FBXO31: variants seen among roughly 807,000 people sequenced by gnomAD.
The protein encoded by FBXO31 is F-box only protein 31.
In FBXO31, 24 loss-of-function variants were observed where a neutral mutation model predicts 54.4. The ratio of observed to expected loss-of-function variants is 0.44; its 90% CI spans 0.32 to 0.62. The LOEUF (loss-of-function observed/expected upper bound fraction) is 0.62, where lower values mean the gene tolerates loss of function less well. FBXO31 is among the 20% of genes least tolerant of loss of function. The probability of loss-of-function intolerance (pLI) is 0.05; values close to 1 mark genes in which losing one functional copy is unlikely to be tolerated. For synonymous variants in FBXO31, 388 were observed against 335.6 expected, an observed-to-expected ratio of 1.16 and a Z score of -1.71; for missense variants, 665 against 787.1, an observed-to-expected ratio of 0.84 and a Z score of 1.86.
chr16:87,389,765 A>G (rs191251378), exon 1 of FBXO31: 25 of 152,340 alleles, frequency 1.6e-4, no homozygotes, highest in Admixed American at 1.4e-3. Flanking sequence ...TTCACAGAAT[A>G]CAAACCAACA....
At chr16:87,365,007 T>A (rs1260774038) in intron 1 of FBXO31, among the ~76,000 whole-genome samples, 1 of 12,198 alleles carries the variant, frequency 8.2e-5, no homozygotes, top group Non-Finnish European at 1.4e-4. Context: ...ACCCCGTCTC[T>A]TAAATATATA....
chr16:87,341,928 C>A (rs374933259), intron 5 of FBXO31, among the ~76,000 whole-genome samples: 2 of 151,804 alleles, frequency 1.3e-5, no homozygotes, highest in African/African-American at 2.4e-5. Context: ...AAAGCACACC[C>A]TGGCCGCGCG....
chr16:87,343,272 C>T (rs904078556), intron 4 of FBXO31, among the ~76,000 whole-genome samples: 2 of 152,256 alleles, frequency 1.3e-5, no homozygotes, highest in African/African-American at 4.8e-5. Flanking sequence ...GGGCCACTGC[C>T]AGACCAGATC....
chr16:87,333,726 T>C lies in FBXO31; in HGVS notation c.1397+160A>G, dbSNP rs116724983. ...CCGCTTGCTCAGGTGCTGGGGAACA[T>C]GGCCCAAGGGGTCAGAGGCCGCACT... On this transcript the variant is annotated intron_variant, in intron 8 of 8. Coordinates refer to ENST00000311635, the MANE Select transcript of FBXO31 (RefSeq NM_024735.5). 3.4e-3 allele frequency among the ~76,000 whole-genome samples: 525 copies of C among 152,216 alleles called. 4 individuals carry two copies. Among genetic ancestry groups the C allele is most frequent in the African/African-American group, 0.012 (514 of 41,536 alleles).
At chr16:87,361,899 T>C (rs1285189523) in intron 1 of FBXO31, among the ~76,000 whole-genome samples, 6 of 152,224 alleles carry the variant, frequency 3.9e-5, no homozygotes, top group African/African-American at 1.2e-4. Context: ...TCAAGGCTCC[T>C]AGAAGGCCTG....
chr16:87,374,991 T>C (rs1419184631), intron 1 of FBXO31, among the ~76,000 whole-genome samples: 4 of 152,152 alleles, frequency 2.6e-5, no homozygotes, highest in Admixed American at 2.0e-4. Flanking sequence ...AAGACTAGCC[T>C]GGCCAACATA....
chr16:87,351,943 CCTG>C (rs1905679438), intron 2 of FBXO31, among the ~76,000 whole-genome samples: 1 of 152,088 alleles, frequency 6.6e-6, no homozygotes, highest in African/African-American at 2.4e-5. Context: ...GGCTCTCCAC[CCTG>C]ACTGCGCGTC....
intron 1 of FBXO31, among the ~76,000 whole-genome samples, chr16:87,364,455 T>C (rs961579844): frequency 6.6e-6 from 1 of 152,146 alleles, no homozygotes; most frequent in African/African-American, 2.4e-5. Context: ...CTGGGCCAGT[T>C]CGCGCCGACT....
At chr16:87,369,332 G>A (rs1906498717) in intron 1 of FBXO31, among the ~76,000 whole-genome samples, 1 of 151,934 alleles carries the variant, frequency 6.6e-6, no homozygotes, top group Admixed American at 6.6e-5. Flanking sequence ...CCCATGGAGC[G>A]GCAACTCCAC....
intron 5 of FBXO31, among the ~76,000 whole-genome samples, chr16:87,341,069 ATAAGG>A (rs1283027600): frequency 1.2e-4 from 19 of 152,096 alleles, no homozygotes; most frequent in Non-Finnish European, 2.4e-4. Context: ...CTCACTCAGA[ATAAGG>A]GAAACATAAA....
intron 8 of FBXO31, 59 bp downstream of exon 8, chr16:87,333,827 G>GC: frequency 6.5e-7 from 1 of 1,528,242 alleles, no homozygotes; most frequent in Non-Finnish European, 8.8e-7. Flanking sequence ...TGGGGCTGGG[G>GC]CCCTCGCTGA....
chr16:87,346,642 G>GTTCTAGCACT lies in FBXO31; in HGVS notation c.489+522_489+531dup, dbSNP rs1206054331. On this transcript the variant is annotated intron_variant, in intron 3 of 8. Transcript: ENST00000311635. This position sits in a 1 kb window ranked among gnomAD's most constrained non-coding sequence, Gnocchi z 4.2. The stretch of plus-strand genomic sequence containing the variant: ...ACCAGCCTGGACTTCCGCCTGCAAC[G>GTTCTAGCACT]TTCTAGCACTTTCTAGCAGGGGCCA... Among the ~76,000 whole-genome samples, 1 of 152,188 alleles carries GTTCTAGCACT rather than the reference G, an allele frequency of 6.6e-6. No homozygotes were observed. The highest frequency in any genetic ancestry group is 2.4e-5 in the African/African-American group (1 of 41,438).
upstream of FBXO31, chr16:87,390,037 T>C (rs934532048): frequency 3.9e-5 from 6 of 152,242 alleles, no homozygotes; most frequent in Admixed American, 2.6e-4. Flanking sequence ...TCCCAGCACT[T>C]TGGGAGGCCA....
In FBXO31 at chr16:87,328,702, T is replaced by G. The variant is rs1480167944; in HGVS notation, c.*2586A>C. 1.3e-5 allele frequency: 2 copies of G among 152,278 alleles called. No homozygotes were observed. 9.4% of individuals were successfully genotyped at this position (152,278 alleles called of 1,614,324 possible). On this transcript the variant is annotated 3_prime_UTR_variant, in exon 9 of 9. Transcript: ENST00000311635. ...AAGAACACGTTCAGGTGTGCAGAGC[T>G]GCACTGCAGGCAGCCCCACTCCAGA...
chr16:87,360,758 G>A (rs1597371938), intron 1 of FBXO31, among the ~76,000 whole-genome samples: 3 of 152,224 alleles, frequency 2.0e-5, no homozygotes, highest in Admixed American at 2.0e-4. Context: ...GGTTCAGACA[G>A]TGCCAGAGGC....
intron 1 of FBXO31, among the ~76,000 whole-genome samples, chr16:87,373,325 G>A (rs2150694375): frequency 6.6e-6 from 1 of 152,094 alleles, no homozygotes; most frequent in Middle Eastern, 3.4e-3. Flanking sequence ...GGTGTCGGGT[G>A]CCTGTAGTCC....
chr16:87,334,972 C>T (rs140399764), intron 7 of FBXO31, among the ~76,000 whole-genome samples: 2 of 152,194 alleles, frequency 1.3e-5, no homozygotes, highest in East Asian at 3.9e-4. Flanking sequence ...CAGGCTGTCC[C>T]CAGTTAAATC....
chr16:87,355,411 A>G (rs940236874), intron 2 of FBXO31, among the ~76,000 whole-genome samples: 22 of 152,238 alleles, frequency 1.4e-4, no homozygotes, highest in Non-Finnish European at 3.1e-4. Flanking sequence ...GCAGCTGAAT[A>G]CTGAAAACCC....
At chr16:87,347,914 T>G (rs1437630180) in intron 2 of FBXO31, among the ~76,000 whole-genome samples, 2 of 152,166 alleles carry the variant, frequency 1.3e-5, no homozygotes, top group Non-Finnish European at 2.9e-5. Flanking sequence ...ATCAGATCTT[T>G]AAAGCTATCC....
Sources: gnomAD v4.1 joint callset for allele counts (sites outside exome capture counted in the v4.1 genomes callset) on GRCh38, gnomAD v4.1.1 for gene constraint, Gnocchi (gnomAD v3.1) non-coding constraint, MANE v1.5 for transcripts, NCBI Gene and HGNC (gene_info 2026-07-23, HGNC 2026-07-21) for gene names.